The following PRKN variants were observed in gnomAD, a reference collection of about 807,000 sequenced individuals.
PRKN encodes the protein E3 ubiquitin-protein ligase parkin.
A neutral mutation model predicts 59.5 loss-of-function variants in PRKN; 56 were observed. The observed-to-expected ratio is 0.94, with a 90% CI of 0.76 to 1.18. The LOEUF is 1.18. PRKN is among the 50% of genes most tolerant of loss of function. PRKN has a pLI of 0.00. For missense variants in PRKN, 657 were observed against 596.4 expected, an observed-to-expected ratio of 1.10 and a Z score of -1.06; for synonymous variants, 250 against 222.1, an observed-to-expected ratio of 1.13 and a Z score of -1.12.
Position 161,785,881 on chromosome 6 carries a change from G to A in PRKN, c.762C>T (p.Asn254=), listed in dbSNP as rs772497768. ...AGTCTAAGCAAATCACGTGGCGGGAGTTGCACTGGAAAACCAGGACGGGGC... is the reference window on the plus strand; with the variant it reads ...AGTCTAAGCAAATCACGTGGCGGGAATTGCACTGGAAAACCAGGACGGGGC... ...VRSPVLVFQC[N]SRHVICLDCF... The change falls in exon 7 of 12, where the codon AAC becomes AAT. Residue 254 remains asparagine (N), a synonymous_variant. Transcript: ENST00000366898. The A allele has an allele frequency of 6.2e-7, 1 of 1,614,066 alleles. No individual in the cohort carries two copies. Among genetic ancestry groups the A allele is most frequent in the Non-Finnish European group, 8.5e-7 (1 of 1,179,910 alleles).
chr6:161,453,442 G>A (rs1789832137), intron 9 of PRKN, among the ~76,000 whole-genome samples: 1 of 152,086 alleles, frequency 6.6e-6, no homozygotes, highest in Non-Finnish European at 1.5e-5. Context: ...CATTACTCTG[G>A]GTGTTGTGGT....
At chr6:161,976,021 T>C (rs1400586492) in intron 5 of PRKN, among the ~76,000 whole-genome samples, 1 of 152,132 alleles carries the variant, frequency 6.6e-6, no homozygotes, top group African/African-American at 2.4e-5. Flanking sequence ...TTCTCCCTCC[T>C]TGGCTTCCCG....
At chr6:161,614,553 G>T (rs1782617726) in intron 7 of PRKN, among the ~76,000 whole-genome samples, 1 of 152,216 alleles carries the variant, frequency 6.6e-6, no homozygotes, top group Non-Finnish European at 1.5e-5. Context: ...CTGAAATCTA[G>T]ACTATGTTGA....
At chr6:161,964,735 T>C (rs1780512537) in intron 6 of PRKN, among the ~76,000 whole-genome samples, 1 of 152,054 alleles carries the variant, frequency 6.6e-6, no homozygotes, top group African/African-American at 2.4e-5. Context: ...TGAAAGGCTA[T>C]GTTAAAGATT....
intron 1 of PRKN, among the ~76,000 whole-genome samples, chr6:162,605,445 G>C (rs1399066561): frequency 6.6e-6 from 1 of 151,316 alleles, no homozygotes; most frequent in Non-Finnish European, 1.5e-5. Flanking sequence ...GAAAACCCAG[G>C]GTATCAATTC....
chr6:161,874,442 A>ATAAAATATATATTATATG (rs1562355163), intron 6 of PRKN, among the ~76,000 whole-genome samples: 9 of 36,606 alleles, frequency 2.5e-4, no homozygotes, highest in African/African-American at 9.3e-4. Context: ...AATATTATAT[A>ATAAAATATATATTATATG]TAAAATATAT....
intron 7 of PRKN, among the ~76,000 whole-genome samples, chr6:161,693,635 T>C (rs1057488362): frequency 2.0e-5 from 3 of 152,200 alleles, no homozygotes; most frequent in Non-Finnish European, 4.4e-5. Flanking sequence ...CACATGTCTT[T>C]TAAAATTAAC....
At chr6:162,163,018 A>C (rs933400068) in intron 4 of PRKN, among the ~76,000 whole-genome samples, 1 of 149,142 alleles carries the variant, frequency 6.7e-6, no homozygotes, top group African/African-American at 2.5e-5. Context: ...AAAAAAATAA[A>C]TAAATAAAAA....
At position 161,439,335 on chromosome 6, in the gene PRKN, G is replaced by A. The variant is rs540396487; in HGVS notation, c.1084-52458C>T. On this transcript the variant is annotated intron_variant, in intron 9 of 11. Coordinates refer to ENST00000366898, the MANE Select transcript of PRKN (RefSeq NM_004562.3). ...AAGGAGGCTGCATCCCTCGCCTGAT[G>A]GGGAGCACTCCTAGCAGGCACAGGG... is the stretch of plus-strand genomic sequence containing the variant. Among the ~76,000 whole-genome samples, 3 of 152,318 alleles carry A rather than the reference G, an allele frequency of 2.0e-5. No homozygotes were observed. In the South Asian group the frequency reaches 6.2e-4, roughly 32 times the overall value.
chr6:161,630,344 C>T (rs185771761), intron 7 of PRKN, among the ~76,000 whole-genome samples: 120 of 152,212 alleles, frequency 7.9e-4, no homozygotes, highest in Non-Finnish European at 1.5e-3. Context: ...CCCTGTAGAG[C>T]CGTAGATGAG....
At chr6:161,537,639 G>C (rs1779465036) in intron 9 of PRKN, among the ~76,000 whole-genome samples, 2 of 152,058 alleles carry the variant, frequency 1.3e-5, no homozygotes, top group South Asian at 2.1e-4. Flanking sequence ...TTTTAGTAGA[G>C]ACGGGGTTTC....
In PRKN at chr6:161,993,560, G is replaced by T. The variant is rs1184609013; in HGVS notation, c.619-20143C>A. 3.3e-5 allele frequency among the ~76,000 whole-genome samples: 5 copies of T among 152,122 alleles called. No individual in the cohort carries two copies. The East Asian group carries it at 7.7e-4, about 24-fold the overall frequency. On this transcript the variant is annotated intron_variant, in intron 5 of 11. Transcript: ENST00000366898. ...GCAATTCTTAAACTATTTCAAAAAG[G>T]TGAAGAGGAAGAGATTCTTCCTAAT...
chr6:162,605,947 A>C (rs1256661714), intron 1 of PRKN, among the ~76,000 whole-genome samples: 3 of 152,208 alleles, frequency 2.0e-5, no homozygotes, highest in Non-Finnish European at 2.9e-5. Flanking sequence ...ATTCAGTGAC[A>C]AAAATTTTAT....
At chr6:162,683,737 T>C (rs897544057) in intron 1 of PRKN, among the ~76,000 whole-genome samples, 3 of 152,118 alleles carry the variant, frequency 2.0e-5, no homozygotes, top group African/African-American at 4.8e-5. Context: ...CTTTGTCTTA[T>C]AATAATCGGT....
intron 9 of PRKN, among the ~76,000 whole-genome samples, chr6:161,539,515 C>T (rs1401710414): frequency 2.0e-5 from 3 of 151,356 alleles, no homozygotes; most frequent in Non-Finnish European, 2.9e-5. Context: ...TAAGTTTAAC[C>T]TCAAAGAAAC....
At chr6:161,421,366 A>T (rs1788099841) in intron 9 of PRKN, among the ~76,000 whole-genome samples, 1 of 152,226 alleles carries the variant, frequency 6.6e-6, no homozygotes, top group Non-Finnish European at 1.5e-5. Context: ...CAAAAGTTGT[A>T]GAAAAGTGGT....
intron 1 of PRKN, among the ~76,000 whole-genome samples, chr6:162,542,995 T>C (rs978352335): frequency 6.6e-6 from 1 of 152,158 alleles, no homozygotes; most frequent in African/African-American, 2.4e-5. Context: ...ACTGCTTCTC[T>C]GAGGCAACAC....
intron 2 of PRKN, among the ~76,000 whole-genome samples, chr6:162,345,447 T>C (rs1403337865): frequency 6.6e-6 from 1 of 152,218 alleles, no homozygotes; most frequent in Non-Finnish European, 1.5e-5. Flanking sequence ...GGTGACTGAA[T>C]ACATTGTGCA....
rs552795786 is a variant in PRKN, at chr6:162,617,377, A to C, written c.7+110285T>G. 1.6e-4 allele frequency among the ~76,000 whole-genome samples: 24 copies of C among 152,200 alleles called. No homozygotes were observed. The South Asian group carries it at 3.9e-3, about 25-fold the overall frequency. On this transcript the variant is annotated intron_variant, in intron 1 of 11. Coordinates refer to ENST00000366898, the MANE Select transcript of PRKN (RefSeq NM_004562.3). Reference sequence around the variant, plus strand: ...CGCCCAAGTAGCTGGGATTACAGGCACCTGCCAGCACACCTGGCTAATTTT... The same window carrying C: ...CGCCCAAGTAGCTGGGATTACAGGCCCCTGCCAGCACACCTGGCTAATTTT...
Sources: gnomAD v4.1 joint callset for allele counts (sites outside exome capture counted in the v4.1 genomes callset) on GRCh38, gnomAD v4.1.1 for gene constraint, MANE v1.5 for transcripts, NCBI Gene and HGNC (gene_info 2026-07-23, HGNC 2026-07-21) for gene names.